Variants in HSF1 observed in about 807,000 individuals in gnomAD.
The protein encoded by HSF1 is heat shock transcription factor 1, also known as heat shock factor protein 1.
In HSF1, 32 loss-of-function variants were observed where a neutral mutation model predicts 51.7. That is an observed-to-expected ratio of 0.62 (90% CI 0.47 to 0.83). HSF1 has a LOEUF of 0.83. Ranked by LOEUF, HSF1 falls within the 40% of genes least tolerant of loss-of-function variation. HSF1 has a pLI of 0.00. For synonymous variants in HSF1, 396 were observed against 309.7 expected, an observed-to-expected ratio of 1.28 and a Z score of -2.92; for missense variants, 727 against 717.0, an observed-to-expected ratio of 1.01 and a Z score of -0.16.
Position 144,311,509 on chromosome 8 carries a change from C to G in HSF1, c.631C>G (p.Leu211Val). ...GACCTGCACCCTTCCCCACAGCCCC[C>G]TGATGCTGAACGACAGTGGCTCAGC... ...RILGVKRKIP[L>V]MLNDSGSAHS... Residue 211 changes from leucine (L) to valine (V), a missense_variant, in exon 7 of 13, where the codon CTG becomes GTG. Leu to Val is a conservative substitution (Grantham distance 32). This residue lies in a region of HSF1 where 257 missense variants were observed against 318.3 expected (regional missense o/e 0.81). Coordinates refer to ENST00000528838, the MANE Select transcript of HSF1 (RefSeq NM_005526.4). The G allele has an allele frequency of 6.2e-7, 1 of 1,613,680 alleles. No homozygotes were observed. Among genetic ancestry groups the G allele is most frequent in the Non-Finnish European group, 8.5e-7 (1 of 1,179,972 alleles).
chr8:144,306,965 G>GCAGTGGACAACCC (rs1402586674), intron 1 of HSF1, among the ~76,000 whole-genome samples: 6 of 152,140 alleles, frequency 3.9e-5, no homozygotes, highest in Non-Finnish European at 7.3e-5. Context: ...ACTCGGCCAG[G>GCAGTGGACAACCC]CAGTGGACAA....
chr8:144,296,166 G>C (rs1815440827), intron 1 of HSF1, among the ~76,000 whole-genome samples: 1 of 152,154 alleles, frequency 6.6e-6, no homozygotes, highest in African/African-American at 2.4e-5. Flanking sequence ...AGTGAGGCAG[G>C]GGGCAGGGCC....
chr8:144,308,975 CACA>C lies in HSF1; in HGVS notation c.194_196del (p.Asn65del). 2 of 1,614,092 alleles carry C rather than the reference CACA, an allele frequency of 1.2e-6. No individual in the cohort carries two copies. Among genetic ancestry groups the C allele is most frequent in the Non-Finnish European group, 1.7e-6 (2 of 1,179,938 alleles). ...GGAGGTGCTGCCCAAGTACTTCAAG[CACA>C]ACAACATGGCCAGCTTCGTGCGGCA... On this transcript the variant is annotated inframe_deletion, in exon 2 of 13. Coordinates refer to ENST00000528838, the MANE Select transcript of HSF1 (RefSeq NM_005526.4).
Position 144,291,662 on chromosome 8 carries a change from C to CGGCGCGGCCCGGAAGGCT in HSF1, c.-87_-70dup, listed in dbSNP as rs1554840341. On this transcript the variant is annotated 5_prime_UTR_variant, in exon 1 of 13. Transcript: ENST00000528838. The surrounding 1 kb of genome is among the most constrained non-coding windows in gnomAD (Gnocchi z 4.1). Reference sequence around the variant, plus strand: ...GGGGCTGTGTGTGCGCAGCGGGCGGCGGCGCGGCCCGGAAGGCTGGCGCGG... The same window carrying CGGCGCGGCCCGGAAGGCT: ...GGGGCTGTGTGTGCGCAGCGGGCGGCGGCGCGGCCCGGAAGGCTGGCGCGGCCCGGAAGGCTGGCGCGG... 3 of 663,840 alleles carry CGGCGCGGCCCGGAAGGCT rather than the reference C, an allele frequency of 4.5e-6. No individual in the cohort carries two copies. The highest frequency in any genetic ancestry group is 6.9e-6 in the Non-Finnish European group (3 of 436,586). 41.1% of individuals were successfully genotyped at this position (663,840 alleles called of 1,614,324 possible). A position where few individuals can be genotyped will look rare whatever the true frequency, so the allele number is the denominator to read the frequency against.
rs782681698 is a variant in HSF1 at position 144,309,866 on chromosome 8, G to A, written c.458G>A (p.Cys153Tyr). The change falls in exon 4 of 13, where the codon TGC becomes TAC. Residue 153 changes from cysteine (C) to tyrosine (Y), a missense_variant. Around this residue, in one of 2 missense-constraint regions of HSF1, gnomAD observed 257 missense variants for 318.3 expected, o/e 0.81. Coordinates refer to ENST00000528838, the MANE Select transcript of HSF1 (RefSeq NM_005526.4). ...CAGCTGATGAAGGGGAAGCAGGAGT[G>A]CATGGACTCCAAGCTCCTGGCCATG... ...DVQLMKGKQE[C>Y]MDSKLLAMKH... 2.5e-6 allele frequency: 4 copies of A among 1,613,854 alleles called. No individual in the cohort carries two copies. The highest frequency in any genetic ancestry group is 2.2e-5 in the East Asian group (1 of 44,866).
rs1230448756 is a variant in HSF1, at chr8:144,314,608, T to C, written c.*278T>C. On this transcript the variant is annotated 3_prime_UTR_variant, in exon 13 of 13. Coordinates refer to ENST00000528838, the MANE Select transcript of HSF1 (RefSeq NM_005526.4). The stretch of plus-strand genomic sequence containing the variant: ...GTTGTTCATAGTCAGAATTGTATTT[T>C]GGATTTTTACACAACTGTCCCGTTC... 2 of 516,144 alleles carry C rather than the reference T, an allele frequency of 3.9e-6. No homozygotes were observed. The highest frequency in any genetic ancestry group is 3.2e-5 in the Admixed American group (1 of 31,304). The allele number at this position is 516,144 out of a possible 1,614,324, so 32.0% of individuals were successfully genotyped here.
intron 4 of HSF1, chr8:144,310,671 G>C (rs182846923): frequency 5.7e-6 from 1 of 176,198 alleles, no homozygotes; most frequent in African/African-American, 2.4e-5. Flanking sequence ...AGAGCAGCAG[G>C]AGCGCGGTCA....
chr8:144,312,185 T>TGCCCACCCCCCCCCCCCC lies in HSF1; in HGVS notation c.1083_1084insGCCCACCCCCCCCCCCCC (p.Pro361_Pro362insAlaHisProProProPro). 1 of 1,532,956 alleles carries TGCCCACCCCCCCCCCCCC rather than the reference T, an allele frequency of 6.5e-7. No individual in the cohort carries two copies. Among genetic ancestry groups the TGCCCACCCCCCCCCCCCC allele is most frequent in the Non-Finnish European group, 8.9e-7 (1 of 1,117,516 alleles). 95.0% of individuals were successfully genotyped at this position (1,532,956 alleles called of 1,614,324 possible). On this transcript the variant is annotated inframe_insertion, in exon 9 of 13. Coordinates refer to ENST00000528838, the MANE Select transcript of HSF1 (RefSeq NM_005526.4). Reference sequence around the variant, plus strand: ...GCCACACGGACACCGAGGGCCGGCCTCCCTCCCCCCCGCCCACCTCCACCC... The same window carrying TGCCCACCCCCCCCCCCCC: ...GCCACACGGACACCGAGGGCCGGCCTGCCCACCCCCCCCCCCCCCCCTCCCCCCCGCCCACCTCCACCC...
chr8:144,308,045 C>T (rs1486876723), intron 1 of HSF1, among the ~76,000 whole-genome samples: 1 of 152,216 alleles, frequency 6.6e-6, no homozygotes, highest in African/African-American at 2.4e-5. Flanking sequence ...AGTGCCACAC[C>T]ACGGGGGTCT....
chr8:144,299,458 G>A (rs1010839901), intron 1 of HSF1, among the ~76,000 whole-genome samples: 5 of 149,772 alleles, frequency 3.3e-5, no homozygotes, highest in African/African-American at 7.3e-5. Flanking sequence ...AAAAATTCAC[G>A]TCCAGAATCT....
Position 144,314,005 on chromosome 8 carries a change from C to A in HSF1, c.1335C>A (p.Pro445=). 1 of 1,611,460 alleles carries A rather than the reference C, an allele frequency of 6.2e-7. No individual in the cohort carries two copies. The highest frequency in any genetic ancestry group is 8.5e-7 in the Non-Finnish European group (1 of 1,179,552). Residue 445 remains proline (P), a synonymous_variant, in exon 12 of 13, where the codon CCC becomes CCA. Coordinates refer to ENST00000528838, the MANE Select transcript of HSF1 (RefSeq NM_005526.4). ...CACAGATCCAAGAGCTCCTGTCTCCCCAGGAGCCCCCCAGGCCTCCCGAGG... is the reference window on the plus strand; with the variant it reads ...CACAGATCCAAGAGCTCCTGTCTCCACAGGAGCCCCCCAGGCCTCCCGAGG... The part of the protein sequence containing the change: ...SLASIQELLS[P]QEPPRPPEAE...
chr8:144,300,809 G>C (rs4588894), intron 1 of HSF1, among the ~76,000 whole-genome samples: 79,754 of 151,748 alleles, frequency 0.53, 21,211 homozygotes, highest in Admixed American at 0.65. Context: ...TTAGAATGTG[G>C]GTCCTAGTTA....
In HSF1 at chr8:144,312,063, G is replaced by A. The variant is rs375748356; in HGVS notation, c.961G>A (p.Val321Met). The A allele has an allele frequency of 1.4e-5, 22 of 1,612,008 alleles. No individual in the cohort carries two copies. Among genetic ancestry groups the A allele is most frequent in the South Asian group, 6.6e-5 (6 of 91,074 alleles). The change falls in exon 9 of 13, where the codon GTG (valine) becomes ATG (methionine). Residue 321 changes from valine to methionine, a missense_variant. Coordinates refer to ENST00000528838, the MANE Select transcript of HSF1 (RefSeq NM_005526.4). ...EEASPGRPSS[V>M]DTLLSPTALI... ...GGCGAGTCCCGGGCGCCCATCTTCC[G>A]TGGACACCCTCTTGTCCCCGACCGC...
At chr8:144,312,799 G>A (rs1346408983) in intron 9 of HSF1, 38 of 1,238,014 alleles carry the variant, frequency 3.1e-5, no homozygotes, top group Middle Eastern at 2.2e-4. Context: ...CAGCCTGGCC[G>A]GGCATGAGCG....
chr8:144,313,956 G>C, intron 11 of HSF1, 29 bp from the exon 12 acceptor site: 1 of 1,610,894 alleles, frequency 6.2e-7, no homozygotes, highest in South Asian at 1.1e-5. Flanking sequence ...ACCAGCGGGA[G>C]TGCTCACAAT....
intron 4 of HSF1, chr8:144,310,772 G>A (rs1816582597): frequency 7.8e-6 from 2 of 254,822 alleles, no homozygotes; most frequent in Non-Finnish European, 1.5e-5. Flanking sequence ...CAGGACATGG[G>A]ACAGCCAGTG....
chr8:144,295,096 G>T (rs1815368558), intron 1 of HSF1, among the ~76,000 whole-genome samples: 1 of 152,156 alleles, frequency 6.6e-6, no homozygotes, highest in South Asian at 2.1e-4. Flanking sequence ...CCTGCCCCGT[G>T]CCCTGGTGCC....
In HSF1 at chr8:144,311,791, C is replaced by A; in HGVS notation, c.815C>A (p.Ala272Asp). 1 of 1,612,440 alleles carries A rather than the reference C, an allele frequency of 6.2e-7. No individual in the cohort carries two copies. The highest frequency in any genetic ancestry group is 8.5e-7 in the Non-Finnish European group (1 of 1,179,708). ...ATCATCTCCGACATCACCGAGCTGG[C>A]TCCTGCCAGCCCCATGGCCTCCCCC... ...GPIISDITELAPASPMASPGG... is the reference protein window; with the variant it reads ...GPIISDITELDPASPMASPGG... Residue 272 changes from alanine to aspartate, a missense_variant, in exon 8 of 13, where the codon GCT (alanine) becomes GAT (aspartate). Physicochemically the swap from Ala to Asp is moderately radical, Grantham distance 126. Coordinates refer to ENST00000528838, the MANE Select transcript of HSF1 (RefSeq NM_005526.4).
intron 1 of HSF1, among the ~76,000 whole-genome samples, chr8:144,300,100 GC>G (rs1815754253): frequency 6.6e-6 from 1 of 152,072 alleles, no homozygotes; most frequent in Non-Finnish European, 1.5e-5. Context: ...CTTCCAAAGA[GC>G]AGAGCACAGA....
Sources: gnomAD v4.1 joint callset for allele counts (sites outside exome capture counted in the v4.1 genomes callset) on GRCh38, gnomAD v4.1.1 for gene constraint, gnomAD v4.1.1 regional missense constraint, Gnocchi (gnomAD v3.1) non-coding constraint, MANE v1.5 for transcripts, NCBI Gene and HGNC (gene_info 2026-07-23, HGNC 2026-07-21) for gene names.